The following STAB2 variants were observed in gnomAD, a reference collection of about 807,000 sequenced individuals.
STAB2 encodes stabilin 2, also known as stabilin-2.
STAB2 carries 288 observed loss-of-function variants against 338.1 expected under a neutral mutation model. The ratio of observed to expected loss-of-function variants is 0.85; its 90% confidence interval spans 0.77 to 0.94. STAB2 has a LOEUF of 0.94. Ranked by LOEUF, STAB2 falls within the 40% of genes least tolerant of loss-of-function variation. The pLI is 0.00. For missense variants in STAB2, 3,141 were observed against 3,210.1 expected (o/e 0.98, Z 0.52); for synonymous variants, 1,202 against 1,193.3 (o/e 1.01, Z -0.15).
intron 17 of STAB2, among the ~76,000 whole-genome samples, chr12:103,662,402 C>T (rs536086674): frequency 1.3e-5 from 2 of 152,166 alleles, no homozygotes; most frequent in South Asian, 2.1e-4. Context: ...ATTTTCTGCT[C>T]CCTCCACTAA....
At chr12:103,643,410 C>T (rs562247395) in intron 9 of STAB2, among the ~76,000 whole-genome samples, 3 of 152,288 alleles carry the variant, frequency 2.0e-5, no homozygotes, top group South Asian at 4.1e-4. Flanking sequence ...ATGCCATCTC[C>T]GTGCTCCACC....
At chr12:103,760,702 A>G (rs995636287) in intron 65 of STAB2, among the ~76,000 whole-genome samples, 1 of 152,206 alleles carries the variant, frequency 6.6e-6, no homozygotes, top group Non-Finnish European at 1.5e-5. Context: ...AGACATGCAG[A>G]GAGTAGTGCC....
At chr12:103,622,314 C>T (rs923532122) in intron 5 of STAB2, among the ~76,000 whole-genome samples, 1 of 151,964 alleles carries the variant, frequency 6.6e-6, no homozygotes, top group African/African-American at 2.4e-5. Context: ...CACAGAGACT[C>T]AGTGAAGCCA....
intron 54 of STAB2, 34 bp from the exon 55 acceptor site, chr12:103,740,596 G>A (rs1233349994): frequency 6.2e-7 from 1 of 1,605,162 alleles, no homozygotes; most frequent in South Asian, 1.1e-5. Context: ...CCCTGCAGTG[G>A]TAAGTGAAGG....
chr12:103,603,237 A>G (rs1355519828), intron 3 of STAB2, among the ~76,000 whole-genome samples: 1 of 151,832 alleles, frequency 6.6e-6, no homozygotes, highest in Non-Finnish European at 1.5e-5. Flanking sequence ...CGCCTGGCTA[A>G]TTTTTTGTAT....
At chr12:103,713,083 T>G (rs1007248355) in intron 41 of STAB2, among the ~76,000 whole-genome samples, 1 of 152,246 alleles carries the variant, frequency 6.6e-6, no homozygotes, top group African/African-American at 2.4e-5. Flanking sequence ...GGAAAGTTTC[T>G]TGACTGCTCT....
Position 103,695,846 on chromosome 12 carries a change from T to C in STAB2, c.3582+2T>C. 6.2e-7 allele frequency: 1 copy of C among 1,613,246 alleles called. No individual in the cohort carries two copies. On this transcript the variant is annotated splice_donor_variant, in intron 33 of 68. Coordinates refer to ENST00000388887, the MANE Select transcript of STAB2 (RefSeq NM_017564.10). LOFTEE classifies it high-confidence loss of function. ...AGGGAGAAGAAAGTCTTGTCTCTAG[T>C]AAGTGTCAAGAACTATAACTAGGGA...
intron 5 of STAB2, among the ~76,000 whole-genome samples, chr12:103,622,937 G>A (rs992613482): frequency 2.6e-5 from 4 of 152,080 alleles, no homozygotes; most frequent in African/African-American, 9.7e-5. Flanking sequence ...CTTCCTTTTG[G>A]GAGTTCACAA....
At chr12:103,751,775 G>A (rs1883679407) in intron 60 of STAB2, among the ~76,000 whole-genome samples, 2 of 152,186 alleles carry the variant, frequency 1.3e-5, no homozygotes, top group Non-Finnish European at 2.9e-5. Context: ...AGACCATAGA[G>A]TGTGGTCCAG....
At chr12:103,601,261 C>A (rs1327503258) in intron 3 of STAB2, among the ~76,000 whole-genome samples, 1 of 151,396 alleles carries the variant, frequency 6.6e-6, no homozygotes, top group Non-Finnish European at 1.5e-5. Flanking sequence ...AAAGCAAGGG[C>A]AGCACAAAAG....
chr12:103,639,704 C>A (rs1220801715), intron 8 of STAB2, among the ~76,000 whole-genome samples: 513 of 92,100 alleles, frequency 5.6e-3, no homozygotes, highest in African/African-American at 7.8e-3. Flanking sequence ...GACCCTGTCT[C>A]AAAAAAAAAA....
At chr12:103,739,002 G>A (rs1021868469) in intron 53 of STAB2, among the ~76,000 whole-genome samples, 8 of 151,978 alleles carry the variant, frequency 5.3e-5, no homozygotes, top group Non-Finnish European at 7.4e-5. Context: ...TTGAGATAGG[G>A]CCTTGCTCTG....
At chr12:103,611,514 T>G (rs1384017161) in intron 3 of STAB2, among the ~76,000 whole-genome samples, 1 of 152,204 alleles carries the variant, frequency 6.6e-6, no homozygotes, top group African/African-American at 2.4e-5. Context: ...TTGCAACCCC[T>G]GCCTTTTTTT....
At chr12:103,625,723 A>G (rs996349870) in intron 5 of STAB2, among the ~76,000 whole-genome samples, 1 of 152,188 alleles carries the variant, frequency 6.6e-6, no homozygotes, top group Non-Finnish European at 1.5e-5. Context: ...ATTCCATGGT[A>G]TATATGTGCC....
At chr12:103,735,692 C>T (rs746795547) in intron 52 of STAB2, 112 bp downstream of exon 52, 8 of 926,820 alleles carry the variant, frequency 8.6e-6, no homozygotes, top group South Asian at 1.9e-5. Context: ...CCATTCATAG[C>T]GGGCTCATTT....
chr12:103,721,140 G>C (rs1299356132), intron 44 of STAB2, among the ~76,000 whole-genome samples: 1 of 151,092 alleles, frequency 6.6e-6, no homozygotes, highest in Non-Finnish European at 1.5e-5. Flanking sequence ...ACCATAGTGA[G>C]GGTTAGGTGG....
rs147419196 is a variant in STAB2, at chr12:103,662,862, A to G, written c.1886A>G (p.Asn629Ser). 1.1e-4 allele frequency: 170 copies of G among 1,614,100 alleles called. No homozygotes were observed. The highest frequency in any genetic ancestry group is 1.4e-4 in the Non-Finnish European group (165 of 1,180,042). Residue 629 changes from asparagine to serine, a missense_variant, in exon 18 of 69, where the codon AAT becomes AGT. By Grantham distance (46) the Asn-to-Ser change is conservative. Coordinates refer to ENST00000388887, the MANE Select transcript of STAB2 (RefSeq NM_017564.10). ...NTTDNGQILA[N>S]DVAMEEIEIT... ...TCTTTCCAGGGACAGATTCTGGCAA[A>G]TGATGTGGCAATGGAAGAAATTGAG...
chr12:103,695,655 A>T lies in STAB2; in HGVS notation c.3474+7A>T. ...CTTCCGGGGCTACATCATTGCAAGT[A>T]CCACATTCTCTGCCTGACCACCATG... On this transcript the variant is annotated splice_region_variant and intron_variant, in intron 32 of 68. Transcript: ENST00000388887. 6.2e-7 allele frequency: 1 copy of T among 1,614,178 alleles called. No individual in the cohort carries two copies. Among genetic ancestry groups the T allele is most frequent in the Non-Finnish European group, 8.5e-7 (1 of 1,180,022 alleles).
At chr12:103,739,275 C>T in intron 53 of STAB2, 137 bp from the exon 54 acceptor site, 1 of 737,036 alleles carries the variant, frequency 1.4e-6, no homozygotes, top group Middle Eastern at 3.4e-4. Context: ...CCATGCCTGG[C>T]CTGTTTTCAT....
Sources: gnomAD v4.1 joint callset for allele counts (sites outside exome capture counted in the v4.1 genomes callset) on GRCh38, gnomAD v4.1.1 for gene constraint, MANE v1.5 for transcripts, NCBI Gene and HGNC (gene_info 2026-07-23, HGNC 2026-07-21) for gene names.